Variants in ADK observed in about 807,000 individuals in gnomAD.
The protein encoded by ADK is adenosine kinase.
Under a neutral mutation model 44.7 loss-of-function variants are expected in ADK, and 24 were observed. The ratio of observed to expected loss-of-function variants is 0.54; its 90% CI spans 0.39 to 0.76. The LOEUF is 0.76. Among genes scored for constraint, ADK ranks in the 30% least tolerant of loss-of-function variants. The pLI is 0.00. For synonymous variants in ADK, 128 were observed against 142.6 expected (o/e 0.90, Z 0.73); for missense variants, 321 against 425.1 (o/e 0.76, Z 2.15).
chr10:74,641,487 C>G (rs1469974626), intron 9 of ADK: 1 of 152,204 alleles, frequency 6.6e-6, no homozygotes, highest in Non-Finnish European at 1.5e-5. Context: ...TATCAGTATT[C>G]TAATATGGAG....
chr10:74,595,398 G>C lies in ADK; in HGVS notation c.763-4981G>C, dbSNP rs371034647. ...TTTTTTTTTTTTTTTTTTTTGGGGAGGGGGTTTGGCTTTGTCACGCCAGGC... is the reference window on the plus strand; with the variant it reads ...TTTTTTTTTTTTTTTTTTTTGGGGACGGGGTTTGGCTTTGTCACGCCAGGC... On this transcript the variant is annotated intron_variant, in intron 8 of 10. Coordinates refer to ENST00000539909, the MANE Select transcript of ADK (RefSeq NM_006721.4). 4.1e-5 allele frequency among the ~76,000 whole-genome samples: 4 copies of C among 96,708 alleles called. No homozygotes were observed. The East Asian group carries it at 1.1e-3, about 25-fold the overall frequency. 63.4% of individuals were successfully genotyped at this position (96,708 alleles called of 152,430 possible). A position where few individuals can be genotyped will look rare whatever the true frequency, so the allele number is the denominator to read the frequency against.
intron 3 of ADK, among the ~76,000 whole-genome samples, chr10:74,298,020 C>T (rs1839878919): frequency 6.6e-6 from 1 of 151,946 alleles, no homozygotes; most frequent in African/African-American, 2.4e-5. Context: ...TATGTCAAAA[C>T]AAGAAAAGGA....
At chr10:74,197,187 T>C (rs1286362831) in intron 1 of ADK, among the ~76,000 whole-genome samples, 2 of 152,120 alleles carry the variant, frequency 1.3e-5, no homozygotes, top group Non-Finnish European at 2.9e-5. Flanking sequence ...AGGGATCAAT[T>C]CCACCCAAAT....
At chr10:74,215,929 T>C (rs969172213) in intron 2 of ADK, among the ~76,000 whole-genome samples, 3 of 151,982 alleles carry the variant, frequency 2.0e-5, no homozygotes, top group African/African-American at 7.3e-5. Context: ...GTGCTGGGAT[T>C]ACAGGCGTGA....
At chr10:74,494,324 C>T (rs1013318957) in intron 6 of ADK, among the ~76,000 whole-genome samples, 1 of 152,138 alleles carries the variant, frequency 6.6e-6, no homozygotes, top group African/African-American at 2.4e-5. Flanking sequence ...CTCTTATATA[C>T]ATACATTCTG....
intron 9 of ADK, among the ~76,000 whole-genome samples, chr10:74,601,872 T>A (rs983054999): frequency 6.7e-5 from 10 of 149,722 alleles, no homozygotes; most frequent in African/African-American, 2.5e-4. Context: ...GTGGGAGGAT[T>A]GCTTGATCCC....
intron 4 of ADK, among the ~76,000 whole-genome samples, chr10:74,330,397 T>C (rs571280420): frequency 1.3e-5 from 2 of 152,272 alleles, no homozygotes; most frequent in East Asian, 1.9e-4. Flanking sequence ...TACTCTATCC[T>C]GGGAAACACA....
chr10:74,636,796 G>A (rs895616694), intron 9 of ADK, among the ~76,000 whole-genome samples: 2 of 152,190 alleles, frequency 1.3e-5, no homozygotes, highest in Non-Finnish European at 2.9e-5. Context: ...AACCTTACAT[G>A]AGTAGTTACA....
At chr10:74,156,853 T>G (rs1412295337) in intron 1 of ADK, among the ~76,000 whole-genome samples, 4 of 152,056 alleles carry the variant, frequency 2.6e-5, no homozygotes, top group African/African-American at 9.7e-5. Context: ...ACGCAGCAAT[T>G]AAAAATTTAA....
intron 4 of ADK, among the ~76,000 whole-genome samples, chr10:74,330,517 C>T (rs1229349137): frequency 1.3e-5 from 2 of 152,016 alleles, no homozygotes; most frequent in African/African-American, 4.8e-5. Context: ...TGAATATGGC[C>T]CAGACTTAGC....
chr10:74,498,012 C>T (rs1847752169), intron 6 of ADK, among the ~76,000 whole-genome samples: 1 of 152,104 alleles, frequency 6.6e-6, no homozygotes, highest in Non-Finnish European at 1.5e-5. Flanking sequence ...GCCTCAGCCT[C>T]CCCAGTAGCT....
intron 5 of ADK, among the ~76,000 whole-genome samples, chr10:74,396,018 AAG>A (rs1042610573): frequency 7.9e-5 from 12 of 151,784 alleles, no homozygotes; most frequent in Admixed American, 5.2e-4. Context: ...CTCAAAACCA[AAG>A]AGAGAGAGAG....
intron 1 of ADK, among the ~76,000 whole-genome samples, chr10:74,186,978 A>G (rs542660577): frequency 3.3e-5 from 5 of 152,166 alleles, no homozygotes; most frequent in Non-Finnish European, 7.4e-5. Flanking sequence ...ATTGCTGTGT[A>G]CTAGGGTAGA....
chr10:74,591,978 CA>C (rs1309851051), intron 8 of ADK, among the ~76,000 whole-genome samples: 1 of 151,296 alleles, frequency 6.6e-6, no homozygotes, highest in Non-Finnish European at 1.5e-5. Context: ...TTCTCAGTGG[CA>C]TTTTTTTTTT....
At chr10:74,594,461 A>G (rs1192484412) in intron 8 of ADK, among the ~76,000 whole-genome samples, 1 of 152,098 alleles carries the variant, frequency 6.6e-6, no homozygotes, top group Non-Finnish European at 1.5e-5. Flanking sequence ...CAAGGAGGTA[A>G]AGAAGGGATA....
At chr10:74,666,563 A>G (rs1564843217) in intron 9 of ADK, among the ~76,000 whole-genome samples, 1 of 149,652 alleles carries the variant, frequency 6.7e-6, no homozygotes, top group Non-Finnish European at 1.5e-5. Context: ...GTACTTGATC[A>G]AAACTAACCA....
At chr10:74,423,774 G>C (rs1393133888) in intron 6 of ADK, 10 of 369,034 alleles carry the variant, frequency 2.7e-5, no homozygotes, top group South Asian at 2.2e-4. Context: ...TGATTTCATA[G>C]TACATGGGGG....
In ADK at chr10:74,491,963, A is replaced by G. The variant is rs1214956088; in HGVS notation, c.556-33293A>G. ...AGTTGTTTTAGTTTTTTTAATTTTA[A>G]CTTTGAAATAATTGTAGAAAAATAG... is the stretch of plus-strand genomic sequence containing the variant. On this transcript the variant is annotated intron_variant, in intron 6 of 10. Transcript: ENST00000539909. Among the ~76,000 whole-genome samples, 3 of 152,154 alleles carry G rather than the reference A, an allele frequency of 2.0e-5. No individual in the cohort carries two copies. The East Asian group carries it at 5.8e-4, about 29-fold the overall frequency.
intron 5 of ADK, among the ~76,000 whole-genome samples, chr10:74,394,907 G>C (rs180686599): frequency 6.6e-6 from 1 of 152,074 alleles, no homozygotes; most frequent in Non-Finnish European, 1.5e-5. Flanking sequence ...TATTAGAAAA[G>C]TATTCTTAAT....
Sources: gnomAD v4.1 joint callset for allele counts (sites outside exome capture counted in the v4.1 genomes callset) on GRCh38, gnomAD v4.1.1 for gene constraint, MANE v1.5 for transcripts, NCBI Gene and HGNC (gene_info 2026-07-23, HGNC 2026-07-21) for gene names.